Variants in LSAMP observed in about 807,000 individuals in gnomAD.
The protein encoded by LSAMP is limbic system-associated membrane protein.
In LSAMP, 7 loss-of-function variants were observed where a neutral mutation model predicts 38.6. The ratio of observed to expected loss-of-function variants is 0.18; its 90% confidence interval spans 0.10 to 0.34. The LOEUF (loss-of-function observed/expected upper bound fraction) is 0.34, where lower values mean the gene tolerates loss of function less well. Among genes scored for constraint, LSAMP ranks in the 10% least tolerant of loss-of-function variants. The probability of loss-of-function intolerance (pLI) is 1.00; values close to 1 mark genes in which losing one functional copy is unlikely to be tolerated. For synonymous variants in LSAMP, 154 were observed against 166.8 expected, an observed-to-expected ratio of 0.92 and a Z score of 0.59; for missense variants, 313 against 420.0, an observed-to-expected ratio of 0.75 and a Z score of 2.23.
chr3:116,328,752 C>T (rs952202950), intron 1 of LSAMP, among the ~76,000 whole-genome samples: 1 of 152,014 alleles, frequency 6.6e-6, no homozygotes, highest in Non-Finnish European at 1.5e-5. Flanking sequence ...TTATACATTA[C>T]CAATGCTCTA....
chr3:116,324,325 G>A (rs1323741802), intron 1 of LSAMP, among the ~76,000 whole-genome samples: 1 of 152,134 alleles, frequency 6.6e-6, no homozygotes, highest in Non-Finnish European at 1.5e-5. Context: ...TTAGCTGAAT[G>A]TAAAACACAA....
At chr3:115,978,685 G>T (rs1228550180) in intron 3 of LSAMP, among the ~76,000 whole-genome samples, 1 of 146,554 alleles carries the variant, frequency 6.8e-6, no homozygotes, top group African/African-American at 2.5e-5. Context: ...ACTAAGAAAA[G>T]AATCAATGAA....
chr3:116,136,346 C>CA (rs141376295), intron 1 of LSAMP, among the ~76,000 whole-genome samples: 8,066 of 152,150 alleles, frequency 0.053, 271 homozygotes, highest in Middle Eastern at 0.16. Context: ...CCTCATCTCT[C>CA]AGTCACCCAG....
At chr3:116,318,400 A>G (rs1356707133) in intron 1 of LSAMP, among the ~76,000 whole-genome samples, 2 of 152,182 alleles carry the variant, frequency 1.3e-5, no homozygotes, top group African/African-American at 4.8e-5. Flanking sequence ...GGGCACAACC[A>G]TCTCTGATGT....
intron 3 of LSAMP, among the ~76,000 whole-genome samples, chr3:115,861,892 C>A (rs1935715104): frequency 6.6e-6 from 1 of 152,150 alleles, no homozygotes; most frequent in Admixed American, 6.5e-5. Context: ...GACTGCAGAA[C>A]ATTTGTAGGA....
chr3:116,165,429 C>G (rs1056403099), intron 1 of LSAMP, among the ~76,000 whole-genome samples: 1 of 152,166 alleles, frequency 6.6e-6, no homozygotes, highest in Non-Finnish European at 1.5e-5. Flanking sequence ...CCAGACCCCC[C>G]ACCTAGTGGA....
intron 3 of LSAMP, among the ~76,000 whole-genome samples, chr3:115,857,873 G>C (rs1935556472): frequency 6.6e-6 from 1 of 152,152 alleles, no homozygotes; most frequent in Non-Finnish European, 1.5e-5. Context: ...GTTCTCTCCT[G>C]TGTTCCCCAA....
At chr3:116,163,580 G>A (rs1410031922) in intron 1 of LSAMP, among the ~76,000 whole-genome samples, 12 of 151,676 alleles carry the variant, frequency 7.9e-5, no homozygotes, top group Admixed American at 7.9e-4. Flanking sequence ...TAATCCTTTG[G>A]GGTATATACC....
chr3:116,427,875 C>T (rs2049224797), intron 1 of LSAMP, among the ~76,000 whole-genome samples: 1 of 152,188 alleles, frequency 6.6e-6, no homozygotes, highest in African/African-American at 2.4e-5. Context: ...AGGAAAACAG[C>T]TGATGTTCCC....
At chr3:116,149,632 G>A (rs1337646069) in intron 1 of LSAMP, among the ~76,000 whole-genome samples, 3 of 151,594 alleles carry the variant, frequency 2.0e-5, no homozygotes, top group Admixed American at 6.6e-5. Context: ...TCTTTTGGGG[G>A]CTGGGCAGCT....
intron 1 of LSAMP, among the ~76,000 whole-genome samples, chr3:116,346,149 A>G (rs2048060052): frequency 6.6e-6 from 1 of 152,170 alleles, no homozygotes; most frequent in Admixed American, 6.6e-5. Context: ...GAAAATATAA[A>G]CTAATTTTTT....
intron 2 of LSAMP, among the ~76,000 whole-genome samples, chr3:116,042,151 A>C (rs186169026): frequency 2.0e-5 from 3 of 152,284 alleles, no homozygotes; most frequent in Non-Finnish European, 2.9e-5. Flanking sequence ...TAACTCTATC[A>C]AGTTTAGGAT....
chr3:115,969,795 GC>G (rs1203044381), intron 3 of LSAMP, among the ~76,000 whole-genome samples: 1 of 152,152 alleles, frequency 6.6e-6, no homozygotes, highest in Non-Finnish European at 1.5e-5. Context: ...GCTTATCACT[GC>G]TAGTAAATGG....
chr3:116,314,081 G>A (rs904494895), intron 1 of LSAMP, among the ~76,000 whole-genome samples: 2 of 152,162 alleles, frequency 1.3e-5, no homozygotes, highest in African/African-American at 2.4e-5. Context: ...AAGAAATGTG[G>A]TACAGAGAAG....
chr3:115,830,900 G>A (rs1322938290), intron 6 of LSAMP, among the ~76,000 whole-genome samples: 2 of 152,206 alleles, frequency 1.3e-5, no homozygotes, highest in Non-Finnish European at 2.9e-5. Context: ...TGGCTGTTCT[G>A]ATGCCAGGCC....
rs550435180 is a variant in LSAMP, at chr3:116,089,790, A to G, written c.156-3234T>C. On this transcript the variant is annotated intron_variant, in intron 1 of 6. Coordinates refer to ENST00000490035, the MANE Select transcript of LSAMP (RefSeq NM_002338.5). ...GTTTAAAATAAATATATCTCAATGG[A>G]AAAAAAATAAATAAATAAAAATAAA... is the stretch of plus-strand genomic sequence containing the variant. 1.5e-4 allele frequency among the ~76,000 whole-genome samples: 23 copies of G among 151,984 alleles called. No homozygotes were observed. In the East Asian group the frequency reaches 4.4e-3, roughly 29 times the overall value.
chr3:115,863,593 T>C (rs565923391), intron 3 of LSAMP, among the ~76,000 whole-genome samples: 1 of 151,862 alleles, frequency 6.6e-6, no homozygotes, highest in Non-Finnish European at 1.5e-5. Context: ...ATTGTATATA[T>C]ATATAAATAA....
chr3:116,359,004 G>A (rs930131904), intron 1 of LSAMP, among the ~76,000 whole-genome samples: 1 of 152,054 alleles, frequency 6.6e-6, no homozygotes, highest in Admixed American at 6.5e-5. Context: ...AAAATCTGTG[G>A]GTTATTTTTG....
intron 1 of LSAMP, among the ~76,000 whole-genome samples, chr3:116,164,651 A>AATAT (rs1379641336): frequency 2.4e-4 from 22 of 91,892 alleles, no homozygotes; most frequent in Non-Finnish European, 4.0e-4. Context: ...ATATAATCCA[A>AATAT]ATATATATAT....
Sources: gnomAD v4.1 joint callset for allele counts (sites outside exome capture counted in the v4.1 genomes callset) on GRCh38, gnomAD v4.1.1 for gene constraint, MANE v1.5 for transcripts, NCBI Gene and HGNC (gene_info 2026-07-23, HGNC 2026-07-21) for gene names.